The following ZIM2 variants were observed in gnomAD, a reference collection of about 807,000 sequenced individuals.
ZIM2 encodes the protein zinc finger protein 656.
Under a neutral mutation model 38.6 loss-of-function variants are expected in ZIM2, and 14 were observed. The ratio of observed to expected loss-of-function variants is 0.36; its 90% CI spans 0.24 to 0.57. The LOEUF is 0.57. Ranked by LOEUF, ZIM2 falls within the 20% of genes least tolerant of loss-of-function variation. The probability of loss-of-function intolerance (pLI) is 0.81; values close to 1 mark genes in which losing one functional copy is unlikely to be tolerated. For missense variants in ZIM2, 680 were observed against 695.1 expected (o/e 0.98, Z 0.24); for synonymous variants, 247 against 245.8 (o/e 1.00, Z -0.04).
At chr19:56,807,838 C>T (rs375696590) in intron 9 of ZIM2, among the ~76,000 whole-genome samples, 4 of 152,028 alleles carry the variant, frequency 2.6e-5, no homozygotes, top group African/African-American at 9.6e-5. Flanking sequence ...TGCTAGAATT[C>T]TCTGCTTGCA....
In ZIM2 at chr19:56,824,247, C is replaced by T. The variant is rs759198661; in HGVS notation, c.16+15G>A. On this transcript the variant is annotated intron_variant, in intron 4 of 12. Transcript: ENST00000629319. ...AGGCCTGCACTGACCACCAACACCC[C>T]GTGGAGACTCTCACCTTCTGGTTGG... is the stretch of plus-strand genomic sequence containing the variant. 2.6e-5 allele frequency: 42 copies of T among 1,610,972 alleles called. No homozygotes were observed. Among genetic ancestry groups the T allele is most frequent in the South Asian group, 5.5e-5 (5 of 90,778 alleles).
Position 56,831,533 on chromosome 19 carries a change from C to T in ZIM2, c.-227+4485G>A, listed in dbSNP as rs184737154. ...TAAGAAATTAGGTATTTCAGCTACA[C>T]ATCTCTGGAAGGCTAAGGCCACTAG... On this transcript the variant is annotated intron_variant, in intron 2 of 12. Transcript: ENST00000629319. 1.2e-3 allele frequency among the ~76,000 whole-genome samples: 185 copies of T among 152,348 alleles called. 2 individuals carry two copies. Among genetic ancestry groups the T allele is most frequent in the African/African-American group, 3.9e-3 (164 of 41,578 alleles).
At chr19:56,800,985 G>C (rs1353513437) in intron 9 of ZIM2, among the ~76,000 whole-genome samples, 3 of 149,852 alleles carry the variant, frequency 2.0e-5, no homozygotes, top group African/African-American at 7.4e-5. Flanking sequence ...ACCCAGGCTG[G>C]AGTGCAGTGG....
intron 9 of ZIM2, among the ~76,000 whole-genome samples, chr19:56,796,357 G>C (rs1013703228): frequency 6.6e-6 from 1 of 152,302 alleles, no homozygotes; most frequent in Non-Finnish European, 1.5e-5. Context: ...AATTTAAGTT[G>C]TGGTTTTTGG....
At chr19:56,818,227 C>A (rs2036004180) in intron 8 of ZIM2, among the ~76,000 whole-genome samples, 1 of 152,326 alleles carries the variant, frequency 6.6e-6, no homozygotes, top group South Asian at 2.1e-4. Flanking sequence ...GCAGCACAGC[C>A]AACTGCCCAC....
intron 1 of ZIM2, among the ~76,000 whole-genome samples, chr19:56,838,831 C>T (rs2062550332): frequency 6.6e-6 from 1 of 152,178 alleles, no homozygotes; most frequent in African/African-American, 2.4e-5. Context: ...GGCAGGCAAG[C>T]ACAGCAACCG....
Position 56,814,828 on chromosome 19 carries a change from G to C in ZIM2, c.490+2918C>G, listed in dbSNP as rs1382203073. On this transcript the variant is annotated intron_variant, in intron 9 of 12. Coordinates refer to ENST00000629319, the MANE Select transcript of ZIM2 (RefSeq NM_001387356.1). The surrounding 1 kb of genome is among the most constrained non-coding windows in gnomAD (Gnocchi z 5.8). Reference sequence around the variant, plus strand: ...AGCACGATTCCTCCGTGGCTTCATGGGCAAGAGGGCAATAAAACCATCATC... The same window carrying C: ...AGCACGATTCCTCCGTGGCTTCATGCGCAAGAGGGCAATAAAACCATCATC... 1 of 1,614,012 alleles carries C rather than the reference G, an allele frequency of 6.2e-7. No individual in the cohort carries two copies. The highest frequency in any genetic ancestry group is 8.5e-7 in the Non-Finnish European group (1 of 1,180,028).
chr19:56,810,777 CAG>C (rs2048091207), intron 9 of ZIM2: 1 of 979,944 alleles, frequency 1.0e-6, no homozygotes, highest in Admixed American at 6.2e-5. Flanking sequence ...ATAGAGGAAA[CAG>C]ATCAAGATGT....
intron 9 of ZIM2, among the ~76,000 whole-genome samples, chr19:56,792,306 C>A (rs746799508): frequency 6.6e-6 from 1 of 151,440 alleles, no homozygotes; most frequent in African/African-American, 2.4e-5. Context: ...GGTGATCCAC[C>A]CGGATCACAA....
chr19:56,819,590 T>C (rs769835838), intron 7 of ZIM2, among the ~76,000 whole-genome samples: 1 of 152,192 alleles, frequency 6.6e-6, no homozygotes, highest in African/African-American at 2.4e-5. Context: ...GACAGAGATC[T>C]GGGTCAAAGA....
chr19:56,826,340 A>G (rs1382574077), intron 3 of ZIM2, 48 bp downstream of exon 3: 4 of 152,228 alleles, frequency 2.6e-5, no homozygotes, highest in Non-Finnish European at 5.9e-5. Context: ...CTGAAATGAT[A>G]CTAGCCCTCA....
chr19:56,810,125 G>A (rs1156449199), intron 9 of ZIM2: 4 of 960,628 alleles, frequency 4.2e-6, no homozygotes, highest in Non-Finnish European at 5.0e-6. Context: ...ATTACAGATA[G>A]AATGACCACA....
In ZIM2 at chr19:56,792,024, GT is replaced by G. The variant is rs36087082; in HGVS notation, c.491-2074del. ...ATTAATGCCACAAGCAATCCCAGGA[GT>G]TTTTTTTTTTTTTTTGTAGTGTGTC... On this transcript the variant is annotated intron_variant, in intron 9 of 12. Coordinates refer to ENST00000629319, the MANE Select transcript of ZIM2 (RefSeq NM_001387356.1). 4.2e-3 allele frequency among the ~76,000 whole-genome samples: 565 copies of G among 134,568 alleles called. 4 individuals are homozygous for G. The highest frequency in any genetic ancestry group is 0.016 in the Middle Eastern group (4 of 248). The allele number at this position is 134,568 out of a possible 152,430, so 88.3% of individuals were successfully genotyped here. A position where few individuals can be genotyped will look rare whatever the true frequency, so the allele number is the denominator to read the frequency against.
intron 7 of ZIM2, among the ~76,000 whole-genome samples, chr19:56,820,031 A>C (rs1601001662): frequency 6.6e-6 from 1 of 152,212 alleles, no homozygotes; most frequent in East Asian, 1.9e-4. Flanking sequence ...TTCTTTTTTC[A>C]CATGAAAGAA....
At chr19:56,810,923 T>C in intron 9 of ZIM2, 2 of 965,968 alleles carry the variant, frequency 2.1e-6, no homozygotes, top group Non-Finnish European at 2.5e-6. Context: ...CAGGACATTA[T>C]TATAGGGAAC....
chr19:56,806,683 A>AT (rs1015790107), intron 9 of ZIM2, among the ~76,000 whole-genome samples: 2 of 152,172 alleles, frequency 1.3e-5, no homozygotes, highest in African/African-American at 4.8e-5. Flanking sequence ...CACAAAACTC[A>AT]TATGTTGATG....
At chr19:56,778,446 A>C (rs1363850641) in intron 12 of ZIM2, among the ~76,000 whole-genome samples, 2 of 152,226 alleles carry the variant, frequency 1.3e-5, no homozygotes, top group Non-Finnish European at 2.9e-5. Context: ...CACAGCTGCT[A>C]GTTCAGGAAA....
chr19:56,795,592 C>T (rs1214123827), intron 9 of ZIM2, among the ~76,000 whole-genome samples: 5 of 152,230 alleles, frequency 3.3e-5, no homozygotes, highest in African/African-American at 4.8e-5. Flanking sequence ...ACAGCCGCTC[C>T]TGGCCAAGTG....
At chr19:56,804,148 G>T (rs2047652824) in intron 9 of ZIM2, among the ~76,000 whole-genome samples, 1 of 152,232 alleles carries the variant, frequency 6.6e-6, no homozygotes, top group East Asian at 1.9e-4. Flanking sequence ...CTCAGAGAGG[G>T]CTCCTCAGCT....
Sources: gnomAD v4.1 joint callset for allele counts (sites outside exome capture counted in the v4.1 genomes callset) on GRCh38, gnomAD v4.1.1 for gene constraint, Gnocchi (gnomAD v3.1) non-coding constraint, MANE v1.5 for transcripts, NCBI Gene and HGNC (gene_info 2026-07-23, HGNC 2026-07-21) for gene names.